Variants in ENTPD1 observed in about 807,000 individuals in gnomAD.
ENTPD1 encodes ectonucleoside triphosphate diphosphohydrolase 1, also known as ATP diphosphohydrolase.
ENTPD1 carries 33 observed loss-of-function variants against 57.0 expected under a neutral mutation model. The ratio of observed to expected loss-of-function variants is 0.58; its 90% confidence interval spans 0.44 to 0.77. The LOEUF is 0.77. ENTPD1 is among the 30% of genes least tolerant of loss of function. ENTPD1 has a pLI of 0.00. For synonymous variants in ENTPD1, 202 were observed against 218.8 expected (o/e 0.92, Z 0.68); for missense variants, 501 against 603.4 (o/e 0.83, Z 1.78).
At position 95,732,740 on chromosome 10, in the gene ENTPD1, G is replaced by A. The variant is rs556629631; in HGVS notation, c.37+20747G>A. On this transcript the variant is annotated intron_variant, in intron 1 of 9. Coordinates refer to the ENTPD1 transcript ENST00000453258. ...AGAAATTTTAAAGCTGGGTATCCAC[G>A]GGAGACACACACATGTCGGCAGGTT... is the stretch of plus-strand genomic sequence containing the variant. Among the ~76,000 whole-genome samples, 7 of 152,172 alleles carry A rather than the reference G, an allele frequency of 4.6e-5. No homozygotes were observed. The South Asian group carries it at 8.3e-4, about 18-fold the overall frequency.
At chr10:95,825,069 T>C (rs990173313) in intron 2 of ENTPD1, among the ~76,000 whole-genome samples, 2 of 152,246 alleles carry the variant, frequency 1.3e-5, no homozygotes, top group Non-Finnish European at 2.9e-5. Context: ...CCAGATGTGC[T>C]GTCCAATTTG....
chr10:95,781,330 G>A (rs1370102793), intron 1 of ENTPD1, among the ~76,000 whole-genome samples: 1 of 152,068 alleles, frequency 6.6e-6, no homozygotes, highest in Non-Finnish European at 1.5e-5. Context: ...GAATGAATAA[G>A]ACCTAGTATT....
At chr10:95,723,785 G>A (rs1221932699) in intron 1 of ENTPD1, among the ~76,000 whole-genome samples, 2 of 151,990 alleles carry the variant, frequency 1.3e-5, no homozygotes, top group Non-Finnish European at 2.9e-5. Context: ...GTTGGCCCTC[G>A]GCTTCCCCAG....
At chr10:95,759,584 G>GT in intron 1 of ENTPD1, among the ~76,000 whole-genome samples, 1 of 152,304 alleles carries the variant, frequency 6.6e-6, no homozygotes, top group African/African-American at 2.4e-5. Flanking sequence ...GTACGCTATG[G>GT]TTTTTTCCAG....
chr10:95,873,689 A>G lies in ENTPD1; in HGVS notation c.*7306A>G. The G allele has an allele frequency of 1.0e-6, 1 of 985,296 alleles. No homozygotes were observed. The highest frequency in any genetic ancestry group is 1.2e-6 in the Non-Finnish European group (1 of 829,774). The allele number at this position is 985,296 out of a possible 1,614,324, so 61.0% of individuals were successfully genotyped here. A position where few individuals can be genotyped will look rare whatever the true frequency, so the allele number is the denominator to read the frequency against. ...AATAGTTACATTTAGATTGGTTTTT[A>G]AAAACTATGATTGTATTAGTTCGTT... On this transcript the variant is annotated 3_prime_UTR_variant, in exon 10 of 10. Coordinates refer to ENST00000371205, the MANE Select transcript of ENTPD1 (RefSeq NM_001776.6).
intron 2 of ENTPD1, among the ~76,000 whole-genome samples, chr10:95,824,364 T>G (rs1394781886): frequency 6.6e-6 from 1 of 152,224 alleles, no homozygotes; most frequent in Non-Finnish European, 1.5e-5. Flanking sequence ...TGGTTGTGTA[T>G]GCCAGGCCTC....
intron 2 of ENTPD1, among the ~76,000 whole-genome samples, chr10:95,830,364 G>A (rs2098392492): frequency 6.6e-6 from 1 of 152,182 alleles, no homozygotes; most frequent in South Asian, 2.1e-4. Flanking sequence ...TGGCTTAAAA[G>A]TGGGCATCTC....
At chr10:95,804,134 C>A (rs930670226) in intron 1 of ENTPD1, among the ~76,000 whole-genome samples, 3 of 152,124 alleles carry the variant, frequency 2.0e-5, no homozygotes, top group African/African-American at 7.2e-5. Flanking sequence ...AGTCAGGTAG[C>A]GTGATGCCTC....
At chr10:95,741,229 T>G (rs2097999980) in intron 1 of ENTPD1, among the ~76,000 whole-genome samples, 1 of 152,172 alleles carries the variant, frequency 6.6e-6, no homozygotes, top group Non-Finnish European at 1.5e-5. Flanking sequence ...GTAAGGTTAT[T>G]AATTGGCCTA....
intron 1 of ENTPD1, among the ~76,000 whole-genome samples, chr10:95,719,741 A>G (rs981584402): frequency 2.6e-5 from 4 of 152,210 alleles, no homozygotes; most frequent in Non-Finnish European, 4.4e-5. Flanking sequence ...GTGTCCAGGT[A>G]TGAGAATTGA....
At chr10:95,792,088 A>T (rs2098206592) in intron 1 of ENTPD1, among the ~76,000 whole-genome samples, 1 of 152,088 alleles carries the variant, frequency 6.6e-6, no homozygotes, top group Admixed American at 6.6e-5. Context: ...AAACATCAAA[A>T]GAAGTGAGAG....
chr10:95,818,216 T>C (rs934954117), intron 1 of ENTPD1, among the ~76,000 whole-genome samples: 2 of 152,246 alleles, frequency 1.3e-5, no homozygotes, highest in African/African-American at 4.8e-5. Context: ...CATTCATTCA[T>C]TCATTCATAC....
At chr10:95,729,118 C>G (rs1335504075) in intron 1 of ENTPD1, among the ~76,000 whole-genome samples, 1 of 151,912 alleles carries the variant, frequency 6.6e-6, no homozygotes, top group Non-Finnish European at 1.5e-5. Context: ...TTTTTGAAAT[C>G]CACATGTAAG....
intron 2 of ENTPD1, among the ~76,000 whole-genome samples, chr10:95,825,459 T>C (rs1158486714): frequency 6.6e-6 from 1 of 152,268 alleles, no homozygotes; most frequent in Non-Finnish European, 1.5e-5. Context: ...GAGTAGTTTA[T>C]TGAAATAAAT....
At chr10:95,784,392 G>A (rs1191285951) in intron 1 of ENTPD1, among the ~76,000 whole-genome samples, 3 of 152,102 alleles carry the variant, frequency 2.0e-5, no homozygotes, top group African/African-American at 7.2e-5. Context: ...CTCACCAGCA[G>A]CCACTCTCTA....
At chr10:95,699,416 C>T in the ENTPD1 span, among the ~76,000 whole-genome samples, 1 of 152,066 alleles carries the variant, frequency 6.6e-6, no homozygotes, top group Admixed American at 6.6e-5. Context: ...TAAAGACCAG[C>T]TTGGGCAACA....
chr10:95,731,457 G>A (rs1450380756), intron 1 of ENTPD1, among the ~76,000 whole-genome samples: 1 of 152,118 alleles, frequency 6.6e-6, no homozygotes, highest in African/African-American at 2.4e-5. Flanking sequence ...TATGAATGGT[G>A]GTGGCTTCTT....
chr10:95,842,590 C>CA, intron 4 of ENTPD1, 96 bp downstream of exon 4: 3 of 1,361,746 alleles, frequency 2.2e-6, no homozygotes, highest in Non-Finnish European at 3.0e-6. Context: ...TCCCTAATAC[C>CA]CCAAGTTCTA....
chr10:95,723,774 A>G (rs370394435), intron 1 of ENTPD1, among the ~76,000 whole-genome samples: 1 of 152,138 alleles, frequency 6.6e-6, no homozygotes, highest in East Asian at 1.9e-4. Flanking sequence ...TTCTGCCTCT[A>G]GTTGGCCCTC....
Sources: gnomAD v4.1 joint callset for allele counts (sites outside exome capture counted in the v4.1 genomes callset) on GRCh38, gnomAD v4.1.1 for gene constraint, MANE v1.5 for transcripts, NCBI Gene and HGNC (gene_info 2026-07-23, HGNC 2026-07-21) for gene names.